Variants in CSMD1 observed in about 807,000 individuals in gnomAD.
CSMD1 encodes the protein CUB and sushi domain-containing protein 1.
CSMD1 carries 213 observed loss-of-function variants against 417.5 expected under a neutral mutation model. The observed-to-expected ratio is 0.51, with a 90% CI of 0.46 to 0.57. The LOEUF is 0.57. Among genes scored for constraint, CSMD1 ranks in the 20% least tolerant of loss-of-function variants. The pLI, the probability that CSMD1 is intolerant of heterozygous loss-of-function variation, is 0.00. For missense variants in CSMD1, 6,923 were observed against 4,529.7 expected, an observed-to-expected ratio of 1.53 and a Z score of -15.17; for synonymous variants, 2,862 against 1,736.8, an observed-to-expected ratio of 1.65 and a Z score of -16.11.
intron 4 of CSMD1, among the ~76,000 whole-genome samples, chr8:4,015,303 C>G (rs1047415127): frequency 1.3e-5 from 2 of 152,002 alleles, no homozygotes; most frequent in African/African-American, 4.8e-5. Flanking sequence ...TTATAGGCAC[C>G]CATAAAAAGC....
chr8:3,674,135 G>C (rs994767229), intron 7 of CSMD1, among the ~76,000 whole-genome samples: 28 of 152,068 alleles, frequency 1.8e-4, no homozygotes, highest in African/African-American at 6.0e-4. Flanking sequence ...CCTAGAAACT[G>C]TCCATTTGTC....
At chr8:3,508,946 C>A (rs1025144708) in intron 10 of CSMD1, among the ~76,000 whole-genome samples, 4 of 152,112 alleles carry the variant, frequency 2.6e-5, no homozygotes, top group Non-Finnish European at 5.9e-5. Context: ...AACTTAAAGT[C>A]CTCATGCTTA....
intron 3 of CSMD1, among the ~76,000 whole-genome samples, chr8:4,155,262 A>G (rs954936932): frequency 2.2e-4 from 34 of 152,322 alleles, no homozygotes; most frequent in Admixed American, 2.0e-3. Context: ...AGAGAGGTGA[A>G]TAAGTCCGGG....
chr8:3,207,880 C>G (rs779491088), intron 30 of CSMD1, among the ~76,000 whole-genome samples: 3 of 152,152 alleles, frequency 2.0e-5, no homozygotes, highest in Non-Finnish European at 2.9e-5. Flanking sequence ...ATTTTATTTT[C>G]ACTTTTAGAT....
intron 37 of CSMD1, among the ~76,000 whole-genome samples, chr8:3,173,191 C>G (rs912545161): frequency 3.9e-5 from 6 of 152,196 alleles, no homozygotes; most frequent in African/African-American, 1.4e-4. Context: ...GCCAAAATAT[C>G]ACCAGTAGGA....
intron 1 of CSMD1, among the ~76,000 whole-genome samples, chr8:4,828,820 G>T (rs569848453): frequency 6.6e-6 from 1 of 152,196 alleles, no homozygotes; most frequent in East Asian, 1.9e-4. Context: ...CTGTTGTGAA[G>T]AACTGCAGAT....
At chr8:4,892,384 T>C (rs1031546399) in intron 1 of CSMD1, among the ~76,000 whole-genome samples, 21 of 151,996 alleles carry the variant, frequency 1.4e-4, no homozygotes, top group African/African-American at 4.8e-4. Context: ...AAGGGGGAGT[T>C]GAGAATCCTG....
At chr8:3,555,341 C>T (rs1799097589) in intron 10 of CSMD1, among the ~76,000 whole-genome samples, 1 of 152,028 alleles carries the variant, frequency 6.6e-6, no homozygotes, top group Non-Finnish European at 1.5e-5. Flanking sequence ...GGGACACGTT[C>T]AGGGTATTTC....
At chr8:3,564,191 AATTATC>A (rs1381661793) in intron 10 of CSMD1, among the ~76,000 whole-genome samples, 1 of 152,178 alleles carries the variant, frequency 6.6e-6, no homozygotes, top group Non-Finnish European at 1.5e-5. Context: ...ATATATAATA[AATTATC>A]ATTAACTATA....
intron 3 of CSMD1, among the ~76,000 whole-genome samples, chr8:4,403,704 C>G (rs189142684): frequency 2.0e-3 from 303 of 152,210 alleles, no homozygotes; most frequent in Admixed American, 6.1e-3. Context: ...CTTTTGACCT[C>G]TTCATGTCAC....
Position 3,744,200 on chromosome 8 carries a change from A to T in CSMD1, c.931+9730T>A, listed in dbSNP as rs1052042057. On this transcript the variant is annotated intron_variant, in intron 6 of 69. Transcript: ENST00000635120. ...GGTCTGGCGGGAGTGGGAGTTGAGG[A>T]CAGGGATGACGTGTTCAAGCCGCAG... Among the ~76,000 whole-genome samples the T allele has an allele frequency of 3.9e-5, 6 of 152,322 alleles. No homozygotes were observed. The South Asian group carries it at 8.3e-4, about 21-fold the overall frequency.
At chr8:3,900,742 C>T (rs991872790) in intron 5 of CSMD1, among the ~76,000 whole-genome samples, 1 of 151,976 alleles carries the variant, frequency 6.6e-6, no homozygotes, top group Admixed American at 6.6e-5. Context: ...AGCTAGCTGC[C>T]ACCGCAACTG....
chr8:3,087,135 C>G lies in CSMD1; in HGVS notation c.7436G>C (p.Gly2479Ala). ...CGTGAGGGAGTCCCACTGGTACATGCCAAGTGGGTTTCGTCTACAGGTTGC... is the reference window on the plus strand; with the variant it reads ...CGTGAGGGAGTCCCACTGGTACATGGCAAGTGGGTTTCGTCTACAGGTTGC... ...SNATCRRNPLGMYQWDSLTPL... is the reference protein window; with the variant it reads ...SNATCRRNPLAMYQWDSLTPL... Residue 2479 changes from glycine to alanine, a missense_variant, in exon 49 of 70, where the codon GGC becomes GCC. By Grantham distance (60) the Gly-to-Ala change is moderately conservative. Transcript: ENST00000635120. 1 of 1,613,654 alleles carries G rather than the reference C, an allele frequency of 6.2e-7. No individual in the cohort carries two copies. Among genetic ancestry groups the G allele is most frequent in the East Asian group, 2.2e-5 (1 of 44,872 alleles).
At chr8:3,134,640 C>T (rs953344107) in intron 41 of CSMD1, among the ~76,000 whole-genome samples, 1 of 152,106 alleles carries the variant, frequency 6.6e-6, no homozygotes, top group Non-Finnish European at 1.5e-5. Flanking sequence ...CATTCTTTCC[C>T]CTGTTAGTGC....
intron 7 of CSMD1, among the ~76,000 whole-genome samples, chr8:3,690,693 A>G (rs1268637456): frequency 1.3e-5 from 2 of 152,206 alleles, no homozygotes; most frequent in African/African-American, 4.8e-5. Context: ...GCTGAGAAGT[A>G]CATAAAGCGC....
chr8:3,071,604 T>G (rs1813326545), intron 49 of CSMD1, among the ~76,000 whole-genome samples: 1 of 152,160 alleles, frequency 6.6e-6, no homozygotes, highest in Admixed American at 6.5e-5. Context: ...CAACCTCAAG[T>G]GGATTATTTC....
intron 3 of CSMD1, among the ~76,000 whole-genome samples, chr8:4,065,811 G>A (rs980752295): frequency 6.6e-6 from 1 of 152,298 alleles, no homozygotes; most frequent in African/African-American, 2.4e-5. Flanking sequence ...TGTACTGCTT[G>A]AGGAGTTTTC....
At chr8:4,642,551 C>T (rs1234515957) in intron 1 of CSMD1, among the ~76,000 whole-genome samples, 2 of 152,122 alleles carry the variant, frequency 1.3e-5, no homozygotes, top group Admixed American at 6.5e-5. Flanking sequence ...CATAAACAAA[C>T]GCCTTCCTAG....
chr8:4,936,704 T>G (rs1277957305), intron 1 of CSMD1, among the ~76,000 whole-genome samples: 1 of 152,178 alleles, frequency 6.6e-6, no homozygotes, highest in Non-Finnish European at 1.5e-5. Flanking sequence ...TTCACTGTAA[T>G]TCATTAAACA....
Sources: gnomAD v4.1 joint callset for allele counts (sites outside exome capture counted in the v4.1 genomes callset) on GRCh38, gnomAD v4.1.1 for gene constraint, MANE v1.5 for transcripts, NCBI Gene and HGNC (gene_info 2026-07-23, HGNC 2026-07-21) for gene names.